The following MAOB variants were observed in gnomAD, a reference collection of about 807,000 sequenced individuals.
MAOB encodes the protein monoamine oxidase B, also known as amine oxidase [flavin-containing] B.
In MAOB, 15 loss-of-function variants were observed where a neutral mutation model predicts 41.9. The ratio of observed to expected loss-of-function variants is 0.36; its 90% CI spans 0.24 to 0.55. MAOB has a LOEUF of 0.55. Ranked by LOEUF, MAOB falls within the 20% of genes least tolerant of loss-of-function variation. The probability of loss-of-function intolerance (pLI) is 0.86; values close to 1 mark genes in which losing one functional copy is unlikely to be tolerated. For missense variants in MAOB, 345 were observed against 398.7 expected (o/e 0.87, Z 1.15); for synonymous variants, 167 against 144.2 (o/e 1.16, Z -1.13).
chrX:43,877,914 A>G (rs901084115), intron 1 of MAOB, among the ~76,000 whole-genome samples: 1 of 112,621 alleles, frequency 8.9e-6, no homozygotes, highest in Non-Finnish European at 1.9e-5. Flanking sequence ...ATCCAGAAAA[A>G]TTATTGGTTG....
At chrX:43,817,273 A>T (rs1398273543) in intron 3 of MAOB, among the ~76,000 whole-genome samples, 3 of 110,478 alleles carry the variant, frequency 2.7e-5, no homozygotes, top group African/African-American at 9.9e-5. Flanking sequence ...TTACTGCTAG[A>T]CAATAATAAT....
intron 2 of MAOB, 135 bp downstream of exon 2, chrX:43,843,535 G>T: frequency 1.9e-6 from 1 of 517,882 alleles, no homozygotes. Context: ...GAGAGAGGCT[G>T]TGAAGAATGT....
At position 43,789,535 on chromosome X, in the gene MAOB, T is replaced by G. The variant is rs773201713; in HGVS notation, c.928+3884A>C. Among the ~76,000 whole-genome samples, 4 of 112,107 alleles carry G rather than the reference T, an allele frequency of 3.6e-5. No homozygotes were observed. The South Asian group carries it at 1.5e-3, about 42-fold the overall frequency. Reference sequence around the variant, plus strand: ...AACAAAAGCAAGGAGACCACAAGAATTCAATGCATTGCTAACAGCCTATCC... The same window carrying G: ...AACAAAAGCAAGGAGACCACAAGAAGTCAATGCATTGCTAACAGCCTATCC... On this transcript the variant is annotated intron_variant, in intron 8 of 14. Coordinates refer to ENST00000378069, the MANE Select transcript of MAOB (RefSeq NM_000898.5).
chrX:43,786,773 G>A (rs1049704323), intron 8 of MAOB, among the ~76,000 whole-genome samples: 3 of 111,208 alleles, frequency 2.7e-5, no homozygotes, highest in Admixed American at 1.9e-4. Flanking sequence ...CTCGATGTAG[G>A]GGCTCCTTGG....
intron 3 of MAOB, among the ~76,000 whole-genome samples, chrX:43,812,682 T>C (rs2034763490): frequency 1.8e-5 from 2 of 112,671 alleles, no homozygotes; most frequent in African/African-American, 3.2e-5. Context: ...CAGATAATTA[T>C]TAGATTTTTT....
intron 3 of MAOB, among the ~76,000 whole-genome samples, chrX:43,830,159 G>T (rs2035000362): frequency 8.9e-6 from 1 of 112,056 alleles, no homozygotes; most frequent in East Asian, 2.8e-4. Context: ...AATTTTGATT[G>T]GACAGTGCTG....
At chrX:43,853,861 C>T (rs2035271408) in intron 1 of MAOB, among the ~76,000 whole-genome samples, 1 of 112,211 alleles carries the variant, frequency 8.9e-6, no homozygotes, top group South Asian at 3.8e-4. Flanking sequence ...ACACTTTGAT[C>T]TTGGGCTTCC....
At chrX:43,879,348 T>C (rs1165124519) in intron 1 of MAOB, among the ~76,000 whole-genome samples, 1 of 112,571 alleles carries the variant, frequency 8.9e-6, no homozygotes, top group Non-Finnish European at 1.9e-5. Context: ...TTAAAAATTA[T>C]CAGGGAATTG....
intron 1 of MAOB, among the ~76,000 whole-genome samples, chrX:43,870,453 G>A (rs1175004096): frequency 9.0e-6 from 1 of 111,101 alleles, no homozygotes; most frequent in Admixed American, 9.5e-5. Flanking sequence ...CAGAACTGAT[G>A]AGACTAAGCA....
At chrX:43,775,526 C>T (rs190807195) in intron 11 of MAOB, among the ~76,000 whole-genome samples, 229 of 111,232 alleles carry the variant, frequency 2.1e-3, no homozygotes, top group African/African-American at 7.0e-3. Context: ...TCATAAATTG[C>T]GATAATCTAA....
chrX:43,881,138 G>C (rs1393086911), intron 1 of MAOB, among the ~76,000 whole-genome samples: 2 of 113,161 alleles, frequency 1.8e-5, no homozygotes, highest in African/African-American at 6.4e-5. Context: ...CCACCCAAAG[G>C]GGAGAAAGGC....
intron 3 of MAOB, among the ~76,000 whole-genome samples, chrX:43,811,358 C>G (rs756610424): frequency 9.0e-6 from 1 of 111,231 alleles, no homozygotes; most frequent in African/African-American, 3.3e-5. Context: ...AGATTCAGTT[C>G]CTGAGGAGTG....
chrX:43,848,908 A>G (rs1487658682), intron 1 of MAOB, among the ~76,000 whole-genome samples: 1 of 112,016 alleles, frequency 8.9e-6, no homozygotes, highest in African/African-American at 3.2e-5. Flanking sequence ...AAATTCTAAA[A>G]ACTACCAAGT....
At chrX:43,774,912 A>C in intron 12 of MAOB, among the ~76,000 whole-genome samples, 1 of 111,714 alleles carries the variant, frequency 9.0e-6, no homozygotes, top group Non-Finnish European at 1.9e-5. Context: ...GTAAAATGCT[A>C]TTCTTATGCT....
intron 1 of MAOB, among the ~76,000 whole-genome samples, chrX:43,846,230 A>G (rs1245338691): frequency 8.9e-6 from 1 of 112,559 alleles, no homozygotes; most frequent in Non-Finnish European, 1.9e-5. Context: ...GGCTTAAACA[A>G]AAGAGTTCAG....
intron 1 of MAOB, among the ~76,000 whole-genome samples, chrX:43,874,261 T>C (rs758540745): frequency 1.8e-5 from 2 of 112,100 alleles, no homozygotes; most frequent in Admixed American, 1.9e-4. Flanking sequence ...TTATTGTTTG[T>C]GATACTTCTT....
At chrX:43,807,728 T>C (rs2034685593) in intron 3 of MAOB, among the ~76,000 whole-genome samples, 1 of 112,278 alleles carries the variant, frequency 8.9e-6, no homozygotes, top group Non-Finnish European at 1.9e-5. Flanking sequence ...TGTTGTAAGT[T>C]CTCAATCAAT....
At chrX:43,786,436 C>T (rs2034400310) in intron 8 of MAOB, among the ~76,000 whole-genome samples, 1 of 111,483 alleles carries the variant, frequency 9.0e-6, no homozygotes, top group South Asian at 3.8e-4. Flanking sequence ...TCTCCTGCAC[C>T]CCTCCCCACT....
At chrX:43,839,852 T>C (rs1408724352) in intron 2 of MAOB, among the ~76,000 whole-genome samples, 1 of 112,262 alleles carries the variant, frequency 8.9e-6, no homozygotes, top group Non-Finnish European at 1.9e-5. Context: ...GGCACTCTTA[T>C]ATGCTGTATT....
Sources: gnomAD v4.1 joint callset for allele counts (sites outside exome capture counted in the v4.1 genomes callset) on GRCh38, gnomAD v4.1.1 for gene constraint, MANE v1.5 for transcripts, NCBI Gene and HGNC (gene_info 2026-07-23, HGNC 2026-07-21) for gene names.